Variants in MYH9 observed in about 807,000 individuals in gnomAD.
MYH9 encodes the protein myosin-9.
A neutral mutation model predicts 241.9 loss-of-function variants in MYH9; 29 were observed. The ratio of observed to expected loss-of-function variants is 0.12; its 90% CI spans 0.09 to 0.16. MYH9 has a LOEUF of 0.16. Ranked by LOEUF, MYH9 falls within the 10% of genes least tolerant of loss-of-function variation. The pLI, the probability that MYH9 is intolerant of heterozygous loss-of-function variation, is 1.00. For synonymous variants in MYH9, 1,047 were observed against 1,062.6 expected, an observed-to-expected ratio of 0.99 and a Z score of 0.29; for missense variants, 1,803 against 2,595.5, an observed-to-expected ratio of 0.69 and a Z score of 6.63.
At chr22:36,298,591 G>A (rs978986567) in intron 24 of MYH9, among the ~76,000 whole-genome samples, 9 of 152,068 alleles carry the variant, frequency 5.9e-5, no homozygotes, top group African/African-American at 1.4e-4. Flanking sequence ...GGTCAAACCC[G>A]GAGCCTCCTA....
rs2146373569 is a variant in MYH9, at chr22:36,330,757, T to C, written c.491-3269A>G. On this transcript the variant is annotated intron_variant, in intron 3 of 40. Coordinates refer to ENST00000216181, the MANE Select transcript of MYH9 (RefSeq NM_002473.6). This position sits in a 1 kb window ranked among gnomAD's most constrained non-coding sequence, Gnocchi z 4.5. ...ATCTGCTTGTTTTGGCTCGAGTCCTTATTTGGCCTGTAAGGACTGAAGGCT... is the reference window on the plus strand; with the variant it reads ...ATCTGCTTGTTTTGGCTCGAGTCCTCATTTGGCCTGTAAGGACTGAAGGCT... Among the ~76,000 whole-genome samples the C allele has an allele frequency of 6.6e-6, 1 of 152,202 alleles. No homozygotes were observed. The highest frequency in any genetic ancestry group is 2.4e-5 in the African/African-American group (1 of 41,532).
Position 36,281,397 on chromosome 22 carries a change from G to A in MYH9, c.*1271C>T, listed in dbSNP as rs191256255. 1.7e-4 allele frequency: 38 copies of A among 227,586 alleles called. No individual in the cohort carries two copies. The highest frequency in any genetic ancestry group is 2.1e-4 in the Non-Finnish European group (24 of 114,318). The allele number at this position is 227,586 out of a possible 1,614,324, so 14.1% of individuals were successfully genotyped here. On this transcript the variant is annotated 3_prime_UTR_variant, in exon 41 of 41. Transcript: ENST00000216181. ...CTTTTATTATATAAAAAAGGGGGTA[G>A]GGTGGGAGTTTCACTCACTCCTTTG...
rs2016555176 is a variant in MYH9, at chr22:36,285,027, G to C, written c.5483+94C>G. On this transcript the variant is annotated intron_variant, in intron 38 of 40. Coordinates refer to ENST00000216181, the MANE Select transcript of MYH9 (RefSeq NM_002473.6). This position sits in a 1 kb window ranked among gnomAD's most constrained non-coding sequence, Gnocchi z 7.0. ...GAAACAGCCCCAGGCTCAGGAGACA[G>C]AGAGCTGGTTGTGGCCCAGATTTGG... 2.5e-6 allele frequency: 3 copies of C among 1,179,742 alleles called. No individual in the cohort carries two copies. Among genetic ancestry groups the C allele is most frequent in the Non-Finnish European group, 3.7e-6 (3 of 816,464 alleles). 73.1% of individuals were successfully genotyped at this position (1,179,742 alleles called of 1,614,324 possible).
At chr22:36,369,769 G>C (rs150361728) in intron 1 of MYH9, among the ~76,000 whole-genome samples, 64 of 152,328 alleles carry the variant, frequency 4.2e-4, no homozygotes, top group African/African-American at 1.5e-3. Context: ...GAAGGCAGGA[G>C]AGGCGATGGA....
Position 36,304,036 on chromosome 22 carries a change from G to A in MYH9, c.2349C>T (p.Ile783=), listed in dbSNP as rs774263441. Residue 783 remains isoleucine (I), a synonymous_variant, in exon 19 of 41, where the codon ATC becomes ATT. Transcript: ENST00000216181. The part of the protein sequence containing the change: ...EERDLKITDV[I]IGFQACCRGY... The stretch of plus-strand genomic sequence containing the variant: ...CCCTGCAGCAGGCCTGGAACCCTAT[G>A]ATGACGTCGGTGATCTTCAGGTCTC... The A allele has an allele frequency of 3.7e-5, 60 of 1,613,692 alleles. No individual in the cohort carries two copies. The highest frequency in any genetic ancestry group is 4.9e-5 in the Non-Finnish European group (58 of 1,180,030).
chr22:36,332,184 A>G (rs1265727796), intron 3 of MYH9, among the ~76,000 whole-genome samples: 2 of 152,210 alleles, frequency 1.3e-5, no homozygotes, highest in African/African-American at 4.8e-5. Flanking sequence ...AGTGCTGCAA[A>G]GAAAGGGCCG....
In MYH9 at chr22:36,285,876, G is replaced by A; in HGVS notation, c.5139C>T (p.Ser1713=). ...RDELADEIAN[S]SGKGALALEE... ...CTCACTCAGCTCACCCTTTGCCGCT[G>A]CTGTTGGCGATCTCGTCAGCCAGCT... Residue 1713 remains serine (S), a synonymous_variant, in exon 36 of 41, where the codon AGC becomes AGT. Transcript: ENST00000216181. The surrounding 1 kb of genome is among the most constrained non-coding windows in gnomAD (Gnocchi z 7.0). 1 of 1,613,554 alleles carries A rather than the reference G, an allele frequency of 6.2e-7. No individual in the cohort carries two copies.
At chr22:36,331,270 C>T (rs756284020) in intron 3 of MYH9, among the ~76,000 whole-genome samples, 8 of 152,152 alleles carry the variant, frequency 5.3e-5, no homozygotes, top group Non-Finnish European at 1.2e-4. Flanking sequence ...CCAGACATGC[C>T]GTCCTCACCC....
intron 2 of MYH9, among the ~76,000 whole-genome samples, chr22:36,348,424 G>T (rs1402971153): frequency 1.3e-5 from 2 of 150,250 alleles, no homozygotes; most frequent in Admixed American, 1.3e-4. Context: ...AAGGAAAATC[G>T]CTTGAACCCA....
rs190466627 is a variant in MYH9 at position 36,315,730 on chromosome 22, A to G, written c.1380+787T>C. Among the ~76,000 whole-genome samples the G allele has an allele frequency of 2.6e-3, 361 of 140,110 alleles. 1 individual carries two copies. Among genetic ancestry groups the G allele is most frequent in the African/African-American group, 8.7e-3 (337 of 38,944 alleles). The allele number at this position is 140,110 out of a possible 152,430, so 91.9% of individuals were successfully genotyped here. ...ACCACTGCACTCCAGCCTGGGTGAC[A>G]GAGCAAGACCCTGCCTCAAAAAAAA... On this transcript the variant is annotated intron_variant, in intron 12 of 40. Coordinates refer to ENST00000216181, the MANE Select transcript of MYH9 (RefSeq NM_002473.6).
intron 5 of MYH9, among the ~76,000 whole-genome samples, chr22:36,326,132 G>A (rs576142228): frequency 1.3e-5 from 2 of 152,306 alleles, no homozygotes; most frequent in East Asian, 3.9e-4. Flanking sequence ...GGGGTGGTGG[G>A]GGTGGGTGGC....
intron 14 of MYH9, among the ~76,000 whole-genome samples, 167 bp from the exon 15 acceptor site, chr22:36,309,563 C>A (rs543599607): frequency 6.6e-6 from 1 of 152,180 alleles, no homozygotes; most frequent in Non-Finnish European, 1.5e-5. Context: ...ATAAGGGGAG[C>A]GAGGCATCAA....
At chr22:36,294,361 C>T (rs2016756531) in intron 27 of MYH9, 63 bp from the exon 28 acceptor site, 1 of 1,541,878 alleles carries the variant, frequency 6.5e-7, no homozygotes. Context: ...GCTGGTCTAT[C>T]ATCACTGGAC....
At chr22:36,386,099 G>C (rs1419750449) in intron 1 of MYH9, among the ~76,000 whole-genome samples, 2 of 152,124 alleles carry the variant, frequency 1.3e-5, no homozygotes, top group South Asian at 2.1e-4. Flanking sequence ...GCAGGGCCCC[G>C]GGGATTTCAC....
intron 15 of MYH9, chr22:36,308,996 G>T: frequency 2.4e-6 from 1 of 414,662 alleles, no homozygotes; most frequent in Non-Finnish European, 3.2e-6. Flanking sequence ...AACATGGCGC[G>T]GGGCTGGGAG....
chr22:36,292,348 A>C (rs1313757889), intron 30 of MYH9, 114 bp from the exon 31 acceptor site: 1 of 1,433,710 alleles, frequency 7.0e-7, no homozygotes, highest in Non-Finnish European at 9.7e-7. Flanking sequence ...GGCACCAGGG[A>C]TCTGCCCAGT....
intron 2 of MYH9, 70 bp downstream of exon 2, chr22:36,348,834 A>T: frequency 9.0e-6 from 8 of 888,360 alleles, no homozygotes; most frequent in East Asian, 5.0e-5. Flanking sequence ...GGGTGATGGG[A>T]AGACCCGCCC....
At chr22:36,299,118 C>T (rs2016834715) in intron 23 of MYH9, 76 bp from the exon 24 acceptor site, 1 of 1,600,446 alleles carries the variant, frequency 6.2e-7, no homozygotes, top group African/African-American at 1.3e-5. Flanking sequence ...GCATGACTCG[C>T]CCGGAAATCT....
In MYH9 at chr22:36,281,850, A is replaced by G; in HGVS notation, c.*818T>C. The stretch of plus-strand genomic sequence containing the variant: ...ACGCTCTGGCTGTCAGACTTGGGAC[A>G]AGTCCCTTAACCATTAAATATATTT... On this transcript the variant is annotated 3_prime_UTR_variant, in exon 41 of 41. Transcript: ENST00000216181. 1 of 230,910 alleles carries G rather than the reference A, an allele frequency of 4.3e-6. No individual in the cohort carries two copies. The highest frequency in any genetic ancestry group is 6.2e-5 in the East Asian group (1 of 16,250). 14.3% of individuals were successfully genotyped at this position (230,910 alleles called of 1,614,324 possible).
Sources: allele counts gnomAD v4.1 joint callset (sites outside exome capture counted in the v4.1 genomes callset), GRCh38; gene constraint gnomAD v4.1.1; non-coding constraint Gnocchi (gnomAD v3.1); transcripts MANE v1.5; gene names NCBI Gene and HGNC (gene_info 2026-07-23, HGNC 2026-07-21).